Variants in GALNT3 observed in about 807,000 individuals in gnomAD.
GALNT3 encodes GalNAc transferase 3.
A neutral mutation model predicts 69.8 loss-of-function variants in GALNT3; 51 were observed. The observed-to-expected ratio is 0.73, with a 90% CI of 0.58 to 0.92. The LOEUF (loss-of-function observed/expected upper bound fraction) is 0.92. GALNT3 is among the 40% of genes least tolerant of loss of function. The pLI, the probability that GALNT3 is intolerant of heterozygous loss-of-function variation, is 0.00. For missense variants in GALNT3, 711 were observed against 760.0 expected, an observed-to-expected ratio of 0.94 and a Z score of 0.76; for synonymous variants, 265 against 248.5, an observed-to-expected ratio of 1.07 and a Z score of -0.63.
Position 165,757,096 on chromosome 2 carries a change from T to C in GALNT3, c.1343A>G (p.Lys448Arg), listed in dbSNP as rs1688458076. 1.2e-6 allele frequency: 2 copies of C among 1,614,054 alleles called. No individual in the cohort carries two copies. Among genetic ancestry groups the C allele is most frequent in the African/African-American group, 1.3e-5 (1 of 75,058 alleles). The change falls in exon 7 of 11, where the codon AAG becomes AGG. Residue 448 changes from lysine to arginine, a missense_variant. Physicochemically the swap from Lys to Arg is conservative, Grantham distance 26. Coordinates refer to ENST00000392701, the MANE Select transcript of GALNT3 (RefSeq NM_004482.4). ...RLAEVWMDEY[K>R]EIFYRRNTDA... Reference sequence around the variant, plus strand: ...TGTATTTCTCCTATAAAATATTTCCTTGTATTCATCCATCCAGACTTCTGC... The same window carrying C: ...TGTATTTCTCCTATAAAATATTTCCCTGTATTCATCCATCCAGACTTCTGC...
rs779436290 is a variant in GALNT3, at chr2:165,770,517, T to A, written c.184A>T (p.Met62Leu). Residue 62 changes from methionine (M) to leucine (L), a missense_variant, in exon 2 of 11, where the codon ATG becomes TTG. Met to Leu is a conservative substitution (Grantham distance 15). Coordinates refer to ENST00000392701, the MANE Select transcript of GALNT3 (RefSeq NM_004482.4). ...MERNMKNKNK[M>L]LDLMLEAVNN... The stretch of plus-strand genomic sequence containing the variant: ...ACAGCTTCTAGCATTAAATCCAACA[T>A]CTTGTTTTTGTTTTTCATGTTCCTT... 6 of 1,614,174 alleles carry A rather than the reference T, an allele frequency of 3.7e-6. No individual in the cohort carries two copies. Among genetic ancestry groups the A allele is most frequent in the Non-Finnish European group, 4.2e-6 (5 of 1,180,020 alleles).
chr2:165,785,825 G>C (rs1396441479), intron 1 of GALNT3, among the ~76,000 whole-genome samples: 1 of 152,074 alleles, frequency 6.6e-6, no homozygotes, highest in Admixed American at 6.5e-5. Context: ...TCCAGTAAGG[G>C]ACAAATAAAT....
chr2:165,749,525 C>T (rs996575239), intron 10 of GALNT3, among the ~76,000 whole-genome samples: 5 of 152,140 alleles, frequency 3.3e-5, no homozygotes, highest in African/African-American at 4.8e-5. Flanking sequence ...GCATATATCA[C>T]GGTTCAACCA....
chr2:165,756,919 T>C lies in GALNT3; in HGVS notation c.1392+128A>G, dbSNP rs115443437. On this transcript the variant is annotated intron_variant, in intron 7 of 10. Coordinates refer to ENST00000392701, the MANE Select transcript of GALNT3 (RefSeq NM_004482.4). ...AAAGGAAACTTGGATTCATAAGTCA[T>C]GTACTTTAAGAGTTAAAAACCTACT... 2,332 of 705,044 alleles carry C rather than the reference T, an allele frequency of 3.3e-3. 37 individuals carry two copies. In the African/African-American group the frequency reaches 0.037, roughly 11 times the overall value. 43.7% of individuals were successfully genotyped at this position (705,044 alleles called of 1,614,324 possible).
Position 165,761,942 on chromosome 2 carries a change from G to C in GALNT3, c.801C>G (p.Val267=). The C allele has an allele frequency of 6.2e-7, 1 of 1,613,978 alleles. No homozygotes were observed. The highest frequency in any genetic ancestry group is 1.7e-5 in the Admixed American group (1 of 59,992). The change falls in exon 4 of 11, where the codon GTC becomes GTG. Residue 267 remains valine, a synonymous_variant. Coordinates refer to ENST00000392701, the MANE Select transcript of GALNT3 (RefSeq NM_004482.4). ...LITARLLGAT[V]ATAETLTFLD... ...AAAATGTGAGCGTTTCAGCTGTTGC[G>C]ACTGTTGCTCCTAGCAACCGAGCAG...
chr2:165,770,330 G>A lies in GALNT3; in HGVS notation c.371C>T (p.Ser124Phe), dbSNP rs1213159848. The change falls in exon 2 of 11, where the codon TCT (serine) becomes TTT (phenylalanine). Residue 124 changes from serine to phenylalanine, a missense_variant. Ser to Phe is a radical substitution (Grantham distance 155). Transcript: ENST00000392701. ...ATTGGTTGTCTTGAATGCTTTACCAGAAGCACCAGGTGCATTTGAATCCTG... is the reference window on the plus strand; with the variant it reads ...ATTGGTTGTCTTGAATGCTTTACCAAAAGCACCAGGTGCATTTGAATCCTG... ...PPQDSNAPGASGKAFKTTNLS... is the reference protein window; with the variant it reads ...PPQDSNAPGAFGKAFKTTNLS... 1.9e-6 allele frequency: 3 copies of A among 1,614,092 alleles called. No individual in the cohort carries two copies. Among genetic ancestry groups the A allele is most frequent in the Admixed American group, 1.7e-5 (1 of 60,010 alleles).
chr2:165,778,953 T>C (rs1683040897), intron 1 of GALNT3, among the ~76,000 whole-genome samples: 1 of 152,018 alleles, frequency 6.6e-6, no homozygotes. Context: ...TGTGTGGATC[T>C]GAGGAGAGAG....
intron 4 of GALNT3, among the ~76,000 whole-genome samples, chr2:165,759,840 T>G (rs1688512228): frequency 6.6e-6 from 1 of 152,214 alleles, no homozygotes; most frequent in South Asian, 2.1e-4. Flanking sequence ...CATCACCTTA[T>G]CGGCTTATGG....
At chr2:165,757,829 A>C (rs1263855104) in intron 6 of GALNT3, among the ~76,000 whole-genome samples, 1 of 152,230 alleles carries the variant, frequency 6.6e-6, no homozygotes, top group African/African-American at 2.4e-5. Context: ...CCTTATTGGC[A>C]TTAATGCTAA....
chr2:165,782,781 A>C (rs1441942621), intron 1 of GALNT3, among the ~76,000 whole-genome samples: 1 of 152,178 alleles, frequency 6.6e-6, no homozygotes, highest in East Asian at 1.9e-4. Context: ...AAATGGCTAC[A>C]GGTCCCTTTG....
In GALNT3 at chr2:165,755,067, T is replaced by G. The variant is rs1165753954; in HGVS notation, c.1393-4A>C. On this transcript the variant is annotated splice_polypyrimidine_tract_variant and splice_region_variant and intron_variant, in intron 7 of 10. Coordinates refer to ENST00000392701, the MANE Select transcript of GALNT3 (RefSeq NM_004482.4). ...TTGAAAGATCACCAAATGCTTTCTG[T>G]AGAAACATGAGAAATGAAGGGAATG... is the stretch of plus-strand genomic sequence containing the variant. 1 of 1,610,246 alleles carries G rather than the reference T, an allele frequency of 6.2e-7. No individual in the cohort carries two copies. Among genetic ancestry groups the G allele is most frequent in the South Asian group, 1.1e-5 (1 of 90,998 alleles).
intron 6 of GALNT3, among the ~76,000 whole-genome samples, chr2:165,757,806 C>T (rs573988535): frequency 2.0e-5 from 3 of 151,892 alleles, no homozygotes; most frequent in South Asian, 2.1e-4. Context: ...AGAGAGAAAA[C>T]GTCAAAAAAA....
Position 165,748,713 on chromosome 2 carries a change from C to A in GALNT3, c.*68G>T. On this transcript the variant is annotated 3_prime_UTR_variant, in exon 11 of 11. Coordinates refer to ENST00000392701, the MANE Select transcript of GALNT3 (RefSeq NM_004482.4). ...GCTTTTGCATAATTTTCAAAAACTA[C>A]AGTGTATGCCTAGTCACAGTTTTAT... 1 of 1,439,936 alleles carries A rather than the reference C, an allele frequency of 6.9e-7. No individual in the cohort carries two copies. Among genetic ancestry groups the A allele is most frequent in the Non-Finnish European group, 9.6e-7 (1 of 1,044,646 alleles). 89.2% of individuals were successfully genotyped at this position (1,439,936 alleles called of 1,614,324 possible).
intron 9 of GALNT3, among the ~76,000 whole-genome samples, chr2:165,752,346 A>G (rs1299402914): frequency 6.6e-6 from 1 of 152,024 alleles, no homozygotes; most frequent in Admixed American, 6.6e-5. Context: ...CCCGAAACAC[A>G]CTATTCCCTT....
At chr2:165,788,667 T>C (rs117280918) in intron 1 of GALNT3, among the ~76,000 whole-genome samples, 1 of 151,698 alleles carries the variant, frequency 6.6e-6, no homozygotes, top group East Asian at 1.9e-4. Flanking sequence ...TAAGAGCCAT[T>C]AAGAGCTATA....
chr2:165,788,466 GGTGTGTGTGTGTGTGTGTGTGTGT>G (rs148293638), intron 1 of GALNT3, among the ~76,000 whole-genome samples: 1 of 139,530 alleles, frequency 7.2e-6, no homozygotes, highest in African/African-American at 2.7e-5. Flanking sequence ...AATCCAAAAG[GGTGTGTGTGTGTGTGTGTGTGTGT>G]GTGTGTGTGT....
chr2:165,765,640 C>A (rs1178364247), intron 2 of GALNT3, among the ~76,000 whole-genome samples: 2 of 151,964 alleles, frequency 1.3e-5, no homozygotes, highest in Non-Finnish European at 2.9e-5. Context: ...AGGCGCCCAC[C>A]ACCACACCCG....
rs74758110 is a variant in GALNT3, at chr2:165,780,977, C to A, written c.-108-10169G>T. On this transcript the variant is annotated intron_variant, in intron 1 of 10. Transcript: ENST00000392701. The stretch of plus-strand genomic sequence containing the variant: ...TCCATAATTATGCATTCAATATCTA[C>A]CTAGTAGCAAGTCAGAAGGTGTTTA... Among the ~76,000 whole-genome samples, 741 of 152,222 alleles carry A rather than the reference C, an allele frequency of 4.9e-3. 5 individuals are homozygous for A. The highest frequency in any genetic ancestry group is 0.017 in the African/African-American group (720 of 41,532).
chr2:165,791,285 G>A (rs188807895), intron 1 of GALNT3, among the ~76,000 whole-genome samples: 3 of 150,864 alleles, frequency 2.0e-5, no homozygotes, highest in African/African-American at 7.3e-5. Flanking sequence ...GTGTGTATAC[G>A]CATGTATGAG....
Sources: allele counts gnomAD v4.1 joint callset (sites outside exome capture counted in the v4.1 genomes callset), GRCh38; gene constraint gnomAD v4.1.1; transcripts MANE v1.5; gene names NCBI Gene and HGNC (gene_info 2026-07-23, HGNC 2026-07-21).